Variants in PLCB4 observed in about 807,000 individuals in gnomAD.
PLCB4 encodes the protein phospholipase C beta 4, also known as 1-phosphatidylinositol 4,5-bisphosphate phosphodiesterase beta-4.
A neutral mutation model predicts 178.8 loss-of-function variants in PLCB4; 77 were observed. That is an observed-to-expected ratio of 0.43 (90% CI 0.36 to 0.52). The LOEUF (loss-of-function observed/expected upper bound fraction) is 0.52, where lower values mean the gene tolerates loss of function less well. Among genes scored for constraint, PLCB4 ranks in the 20% least tolerant of loss-of-function variants. The probability of loss-of-function intolerance (pLI) is 0.00; values close to 1 mark genes in which losing one functional copy is unlikely to be tolerated. For missense variants in PLCB4, 1,024 were observed against 1,453.4 expected, an observed-to-expected ratio of 0.70 and a Z score of 4.80; for synonymous variants, 496 against 490.8, an observed-to-expected ratio of 1.01 and a Z score of -0.14.
rs369397171 is a variant in PLCB4 at position 9,324,133 on chromosome 20, C to T, written c.85-12993C>T. 2.7e-5 allele frequency among the ~76,000 whole-genome samples: 4 copies of T among 150,808 alleles called. No individual in the cohort carries two copies. The East Asian group carries it at 5.8e-4, about 22-fold the overall frequency. On this transcript the variant is annotated intron_variant, in intron 4 of 39. Transcript: ENST00000378473. ...GAGGTTGCAGTAAGCTATGATTGTG[C>T]CATTGCACTCCAGCCTAGGTGATAG...
intron 1 of PLCB4, among the ~76,000 whole-genome samples, chr20:9,087,687 G>A (rs563968232): frequency 1.3e-5 from 2 of 152,294 alleles, no homozygotes; most frequent in African/African-American, 4.8e-5. Context: ...GTTGACACGG[G>A]GGACATAAAA....
chr20:9,367,249 A>G (rs1418055067), intron 9 of PLCB4, among the ~76,000 whole-genome samples: 1 of 152,238 alleles, frequency 6.6e-6, no homozygotes, highest in Non-Finnish European at 1.5e-5. Flanking sequence ...CACAGAAGTC[A>G]TGAAGACCTT....
At chr20:9,365,696 A>G (rs2148257298) in intron 9 of PLCB4, among the ~76,000 whole-genome samples, 182 bp downstream of exon 9, 1 of 152,330 alleles carries the variant, frequency 6.6e-6, no homozygotes, top group Middle Eastern at 3.4e-3. Context: ...TGGAAGTAAA[A>G]CTGCATTTTT....
chr20:9,299,005 A>G (rs996603805), intron 3 of PLCB4, among the ~76,000 whole-genome samples: 1 of 151,998 alleles, frequency 6.6e-6, no homozygotes, highest in Non-Finnish European at 1.5e-5. Context: ...TTTTTTCCCA[A>G]ATATAAGTAT....
intron 7 of PLCB4, among the ~76,000 whole-genome samples, chr20:9,343,461 A>T (rs537777140): frequency 2.6e-5 from 4 of 152,134 alleles, no homozygotes; most frequent in Non-Finnish European, 5.9e-5. Context: ...ATAAAATATT[A>T]TCTGAAACCT....
At chr20:9,442,290 C>A (rs949477743) in intron 30 of PLCB4, among the ~76,000 whole-genome samples, 1 of 152,162 alleles carries the variant, frequency 6.6e-6, no homozygotes, top group Non-Finnish European at 1.5e-5. Flanking sequence ...GACAGACCCA[C>A]GCATGGAACA....
intron 5 of PLCB4, 70 bp downstream of exon 5, chr20:9,337,276 G>T: frequency 9.6e-7 from 1 of 1,045,274 alleles, no homozygotes; most frequent in South Asian, 1.3e-5. Context: ...TCAACAAGTA[G>T]ACTGAGTGCT....
chr20:9,339,170 G>A, intron 7 of PLCB4, 133 bp downstream of exon 7: 1 of 738,638 alleles, frequency 1.4e-6, no homozygotes, highest in Non-Finnish European at 2.1e-6. Context: ...TTGCTGACAT[G>A]TTTCTGTAGA....
chr20:9,286,614 A>C lies in PLCB4; in HGVS notation c.-15-21186A>C, dbSNP rs535979454. 1.9e-4 allele frequency among the ~76,000 whole-genome samples: 29 copies of C among 152,146 alleles called. No individual in the cohort carries two copies. In the South Asian group the frequency reaches 5.8e-3, roughly 31 times the overall value. The stretch of plus-strand genomic sequence containing the variant: ...CATAGTACTCTGCAGAGAACTAAGA[A>C]TGTATCTTGAGGTACTACATCTAGG... On this transcript the variant is annotated intron_variant, in intron 3 of 39. Transcript: ENST00000378473.
chr20:9,199,382 T>C (rs968934562), intron 2 of PLCB4, among the ~76,000 whole-genome samples: 1 of 152,150 alleles, frequency 6.6e-6, no homozygotes, highest in African/African-American at 2.4e-5. Context: ...TATTAAACAG[T>C]GTAGAAACCC....
At chr20:9,384,540 T>C (rs1281762939) in intron 14 of PLCB4, 129 bp downstream of exon 14, 5 of 664,366 alleles carry the variant, frequency 7.5e-6, no homozygotes, top group Non-Finnish European at 1.3e-5. Context: ...TAATGGATTA[T>C]CATGGTCATT....
intron 3 of PLCB4, among the ~76,000 whole-genome samples, chr20:9,286,724 G>C (rs188611306): frequency 6.6e-6 from 1 of 152,012 alleles, no homozygotes; most frequent in Non-Finnish European, 1.5e-5. Context: ...TGACCTCATG[G>C]ATAGAGGATT....
At chr20:9,255,192 A>T (rs146389365) in intron 3 of PLCB4, among the ~76,000 whole-genome samples, 29 of 152,332 alleles carry the variant, frequency 1.9e-4, no homozygotes, top group Non-Finnish European at 2.6e-4. Context: ...CCCTAGGCAG[A>T]GTTCCTAATA....
intron 25 of PLCB4, 52 bp from the exon 26 acceptor site, chr20:9,419,754 GT>G: frequency 9.2e-7 from 1 of 1,089,746 alleles, no homozygotes; most frequent in Non-Finnish European, 1.4e-6. Context: ...ACTAGCGAGT[GT>G]TTTAGTCTTT....
chr20:9,335,784 A>G (rs1420463925), intron 4 of PLCB4, among the ~76,000 whole-genome samples: 1 of 152,192 alleles, frequency 6.6e-6, no homozygotes, highest in Non-Finnish European at 1.5e-5. Flanking sequence ...AAATTATACC[A>G]TGCCCTTTCC....
intron 7 of PLCB4, among the ~76,000 whole-genome samples, chr20:9,355,755 A>G (rs1413409464): frequency 6.1e-4 from 93 of 152,042 alleles, no homozygotes; most frequent in African/African-American, 2.2e-3. Context: ...CGCAATAAAC[A>G]TATGTGTGCA....
intron 7 of PLCB4, among the ~76,000 whole-genome samples, chr20:9,347,699 T>A (rs920436355): frequency 6.6e-6 from 1 of 152,174 alleles, no homozygotes; most frequent in African/African-American, 2.4e-5. Flanking sequence ...AAGGACTGGC[T>A]GGGCATGGTG....
chr20:9,134,826 G>A (rs1304255597), intron 2 of PLCB4, among the ~76,000 whole-genome samples: 1 of 152,034 alleles, frequency 6.6e-6, no homozygotes, highest in Non-Finnish European at 1.5e-5. Flanking sequence ...CTATTTGGTG[G>A]TTGGAATGAA....
At chr20:9,456,616 G>A (rs1283824086) in intron 33 of PLCB4, among the ~76,000 whole-genome samples, 3 of 152,272 alleles carry the variant, frequency 2.0e-5, no homozygotes, top group South Asian at 2.1e-4. Context: ...ATTAAGTCAC[G>A]GGAATGTTTC....
Sources: allele counts gnomAD v4.1 joint callset (sites outside exome capture counted in the v4.1 genomes callset), GRCh38; gene constraint gnomAD v4.1.1; transcripts MANE v1.5; gene names NCBI Gene and HGNC (gene_info 2026-07-23, HGNC 2026-07-21).